CPAMD8: variants seen among roughly 807,000 people sequenced by gnomAD.
CPAMD8 encodes the protein C3 and PZP-like alpha-2-macroglobulin domain-containing protein 8.
A neutral mutation model predicts 224.7 loss-of-function variants in CPAMD8; 146 were observed. The ratio of observed to expected loss-of-function variants is 0.65; its 90% CI spans 0.57 to 0.75. The LOEUF (loss-of-function observed/expected upper bound fraction) is 0.75. Among genes scored for constraint, CPAMD8 ranks in the 30% least tolerant of loss-of-function variants. The pLI is 0.00. For missense variants in CPAMD8, 2,301 were observed against 2,537.5 expected, an observed-to-expected ratio of 0.91 and a Z score of 2.00; for synonymous variants, 966 against 1,044.6, an observed-to-expected ratio of 0.92 and a Z score of 1.45.
In CPAMD8 at chr19:16,970,900, T is replaced by G. The variant is rs2055037650; in HGVS notation, c.2204A>C (p.His735Pro). 5 of 1,613,138 alleles carry G rather than the reference T, an allele frequency of 3.1e-6. No individual in the cohort carries two copies. The highest frequency in any genetic ancestry group is 3.4e-6 in the Non-Finnish European group (4 of 1,179,746). Residue 735 changes from histidine (H) to proline (P), a missense_variant, in exon 18 of 42, where the codon CAC becomes CCC. His to Pro is a moderately conservative substitution (Grantham distance 77). This residue lies in a region of CPAMD8 where 1,709 missense variants were observed against 1,753.2 expected (regional missense o/e 0.97). Transcript: ENST00000443236. ...ATGTATAAGCCGTTACCTGGGGGGGTGCCTGGAAGGAGCCACTGCCACCAG... is the reference window on the plus strand; with the variant it reads ...ATGTATAAGCCGTTACCTGGGGGGGGGCCTGGAAGGAGCCACTGCCACCAG... ...GSLVAVAPSRHPPRTEKRKRT... is the reference protein window; with the variant it reads ...GSLVAVAPSRPPPRTEKRKRT...
intron 16 of CPAMD8, 63 bp from the exon 17 acceptor site, chr19:16,975,321 C>G: frequency 7.2e-7 from 1 of 1,397,310 alleles, no homozygotes. Flanking sequence ...AAACTGGCTC[C>G]CGTGGGTGTG....
Position 16,951,978 on chromosome 19 carries a change from G to A in CPAMD8, c.2499C>T (p.Thr833=), listed in dbSNP as rs1458726715. The A allele has an allele frequency of 1.9e-6, 3 of 1,566,578 alleles. No individual in the cohort carries two copies. The highest frequency in any genetic ancestry group is 2.3e-5 in the East Asian group (1 of 43,134). Residue 833 remains threonine (T), a synonymous_variant, in exon 20 of 42, where the codon ACC becomes ACT. Transcript: ENST00000443236. The part of the protein sequence containing the change: ...IPLSVYNYMG[T]CAEVYMKLSV... Reference sequence around the variant, plus strand: ...TTGGGGGGCTGAGTACCTCAGCGCAGGTGCCCATGTAGTTGTAGACACTGA... The same window carrying A: ...TTGGGGGGCTGAGTACCTCAGCGCAAGTGCCCATGTAGTTGTAGACACTGA...
At chr19:17,007,829 T>C (rs1453827998) in intron 7 of CPAMD8, among the ~76,000 whole-genome samples, 2 of 152,288 alleles carry the variant, frequency 1.3e-5, no homozygotes, top group African/African-American at 4.8e-5. Context: ...AAAAGAAATA[T>C]CTCATGCAAT....
chr19:16,949,606 A>AATGGCAGG (rs1008182355), intron 20 of CPAMD8, among the ~76,000 whole-genome samples: 1 of 152,026 alleles, frequency 6.6e-6, no homozygotes, highest in Non-Finnish European at 1.5e-5. Flanking sequence ...TTGCCTAGAC[A>AATGGCAGG]ATGGCAGGAG....
rs977200776 is a variant in CPAMD8 at position 16,984,146 on chromosome 19, T to C, written c.1396-3460A>G. On this transcript the variant is annotated intron_variant, in intron 13 of 41. Transcript: ENST00000443236. ...AACAGTGCTGAGACAACTGAATAGG[T>C]ACATGCAAAAGAGTGAAGTTGGTCT... Among the ~76,000 whole-genome samples the C allele has an allele frequency of 1.8e-4, 27 of 151,972 alleles. 1 individual carries two copies. Among genetic ancestry groups the C allele is most frequent in the African/African-American group, 6.5e-4 (27 of 41,470 alleles).
chr19:16,902,404 C>T (rs553841805), intron 35 of CPAMD8, among the ~76,000 whole-genome samples: 1 of 152,234 alleles, frequency 6.6e-6, no homozygotes, highest in South Asian at 2.1e-4. Flanking sequence ...GTAGTCCCAG[C>T]TACTCGGGAG....
intron 3 of CPAMD8, among the ~76,000 whole-genome samples, chr19:17,014,752 C>T (rs1466298234): frequency 1.3e-5 from 2 of 152,192 alleles, no homozygotes; most frequent in African/African-American, 4.8e-5. Context: ...TGGGTCCCTC[C>T]CACAACGTGT....
intron 22 of CPAMD8, among the ~76,000 whole-genome samples, chr19:16,944,385 T>G (rs1251223324): frequency 2.0e-5 from 3 of 152,208 alleles, no homozygotes; most frequent in Non-Finnish European, 2.9e-5. Flanking sequence ...CAGAGACAGT[T>G]CTGCGGCATG....
At chr19:16,922,086 C>G in intron 26 of CPAMD8, 100 bp from the exon 27 acceptor site, 1 of 731,044 alleles carries the variant, frequency 1.4e-6, no homozygotes, top group Non-Finnish European at 2.3e-6. Flanking sequence ...CCCGGATCTC[C>G]GAAGCCACAC....
At chr19:16,981,982 G>A (rs1246259957) in intron 13 of CPAMD8, among the ~76,000 whole-genome samples, 1 of 152,208 alleles carries the variant, frequency 6.6e-6, no homozygotes, top group Non-Finnish European at 1.5e-5. Flanking sequence ...CTGGCCAGGG[G>A]CCATGGCTCA....
chr19:16,958,342 G>A (rs2054540218), intron 18 of CPAMD8, among the ~76,000 whole-genome samples: 1 of 151,910 alleles, frequency 6.6e-6, no homozygotes, highest in African/African-American at 2.4e-5. Flanking sequence ...TCATCATTTA[G>A]CTTCCACTTA....
Position 16,997,143 on chromosome 19 carries a change from G to A in CPAMD8, c.1063C>T (p.Gln355Ter). 1 of 1,608,404 alleles carries A rather than the reference G, an allele frequency of 6.2e-7. No individual in the cohort carries two copies. ...ACGTAGGCCAGGCCCGGCTTGAACT[G>A]CTTCCTCGTGTCCTTGGAGTACCGG... ...DIRYSKDTRK[Q>*]FKPGLAYVGK... Residue 355 changes from glutamine (Q) to a stop codon, truncating the protein, a stop_gained, in exon 11 of 42, where the codon CAG becomes TAG. Coordinates refer to ENST00000443236, the MANE Select transcript of CPAMD8 (RefSeq NM_015692.5). LOFTEE classifies it high-confidence loss of function.
Position 16,907,086 on chromosome 19 carries a change from T to C in CPAMD8, c.3893A>G (p.His1298Arg). ...EERGSTDKAR[H>R]FLESAAPLAM... ...CAGGGGCGCAGCAGACTCCAGGAAGTGCCTCGCTTTGTCAGTGGAGCCTCT... is the reference window on the plus strand; with the variant it reads ...CAGGGGCGCAGCAGACTCCAGGAAGCGCCTCGCTTTGTCAGTGGAGCCTCT... Residue 1298 changes from histidine to arginine, a missense_variant, in exon 30 of 42, where the codon CAC (histidine) becomes CGC (arginine). Around this residue, in one of 4 missense-constraint regions of CPAMD8, gnomAD observed 1,709 missense variants for 1,753.2 expected, o/e 0.97. Transcript: ENST00000443236. The C allele has an allele frequency of 6.3e-7, 1 of 1,579,346 alleles. No individual in the cohort carries two copies. The highest frequency in any genetic ancestry group is 8.6e-7 in the Non-Finnish European group (1 of 1,160,976).
At position 17,011,732 on chromosome 19, in the gene CPAMD8, G is replaced by T. The variant is rs199917905; in HGVS notation, c.293C>A (p.Ala98Glu). Residue 98 changes from alanine (A) to glutamate (E), a missense_variant, in exon 4 of 42, where the codon GCG (alanine) becomes GAG (glutamate). Coordinates refer to ENST00000443236, the MANE Select transcript of CPAMD8 (RefSeq NM_015692.5). Reference protein sequence around the residue: ...LKVPTGLRGQALLKVWGRGWQ... With the variant: ...LKVPTGLRGQELLKVWGRGWQ... ...GCCGCGGCCCCACACTTTCAGAAGC[G>T]CTTGGCCCCGGAGGCCCGTGGGCAC... 1.2e-6 allele frequency: 2 copies of T among 1,613,924 alleles called. No homozygotes were observed. The highest frequency in any genetic ancestry group is 4.5e-5 in the East Asian group (2 of 44,878).
intron 13 of CPAMD8, among the ~76,000 whole-genome samples, chr19:16,988,081 A>G (rs1188403515): frequency 6.6e-6 from 1 of 152,196 alleles, no homozygotes; most frequent in African/African-American, 2.4e-5. Context: ...ATTGCAAAAT[A>G]ATAGACCCAG....
At position 16,898,510 on chromosome 19, in the gene CPAMD8, G is replaced by C. The variant is rs2052123048; in HGVS notation, c.4849-516C>G. ...CGCATGGCTGAGCATGTGTGGGTGG[G>C]AGTCAGCACATTCACGATACTGTGC... On this transcript the variant is annotated intron_variant, in intron 37 of 41. Transcript: ENST00000443236. The surrounding 1 kb of genome is among the most constrained non-coding windows in gnomAD (Gnocchi z 4.2). Among the ~76,000 whole-genome samples the C allele has an allele frequency of 6.6e-6, 1 of 152,042 alleles. No homozygotes were observed. Among genetic ancestry groups the C allele is most frequent in the South Asian group, 2.1e-4 (1 of 4,824 alleles).
chr19:16,896,521 A>C lies in CPAMD8; in HGVS notation c.5210T>G (p.Leu1737Arg). 3 of 1,437,606 alleles carry C rather than the reference A, an allele frequency of 2.1e-6. No homozygotes were observed. The highest frequency in any genetic ancestry group is 2.7e-6 in the Non-Finnish European group (3 of 1,106,710). 89.1% of individuals were successfully genotyped at this position (1,437,606 alleles called of 1,614,324 possible). A position where few individuals can be genotyped will look rare whatever the true frequency, so the allele number is the denominator to read the frequency against. Residue 1737 changes from leucine to arginine, a missense_variant, in exon 40 of 42, where the codon CTG becomes CGG. By Grantham distance (102) the Leu-to-Arg change is moderately radical. Transcript: ENST00000443236. ...GGCCTGGCGGCAGGCGGCCTCCCGC[A>C]GGCGGCAGGCGCTGGCGTAGACCAC... Reference protein sequence around the residue: ...DGVVYASACRLREAACRQAAP... With the variant: ...DGVVYASACRRREAACRQAAP...
At position 16,927,355 on chromosome 19, in the gene CPAMD8, G is replaced by A. The variant is rs149531036; in HGVS notation, c.3370+654C>T. 3.1e-4 allele frequency among the ~76,000 whole-genome samples: 47 copies of A among 152,064 alleles called. 1 individual carries two copies. Among genetic ancestry groups the A allele is most frequent in the Admixed American group, 2.6e-3 (39 of 15,268 alleles). The stretch of plus-strand genomic sequence containing the variant: ...CATTCTCCCTGGGACCATGTAAGAC[G>A]TACCTGTCGCCTTCCACCATGATTG... On this transcript the variant is annotated intron_variant, in intron 25 of 41. Transcript: ENST00000443236.
intron 13 of CPAMD8, among the ~76,000 whole-genome samples, chr19:16,987,062 G>C (rs935133115): frequency 1.4e-4 from 20 of 148,012 alleles, no homozygotes; most frequent in African/African-American, 5.0e-4. Context: ...GGGAGGCTGA[G>C]GCAGGAGAAG....
Sources: allele counts gnomAD v4.1 joint callset (sites outside exome capture counted in the v4.1 genomes callset), GRCh38; gene constraint gnomAD v4.1.1; regional missense constraint gnomAD v4.1.1; non-coding constraint Gnocchi (gnomAD v3.1); transcripts MANE v1.5; gene names NCBI Gene and HGNC (gene_info 2026-07-23, HGNC 2026-07-21).